The following MAPDA variants were observed in gnomAD, a reference collection of about 807,000 sequenced individuals.
MAPDA encodes N6,N6-dimethyl-AMP deaminase.
the MAPDA span, among the ~76,000 whole-genome samples, chr15:43,346,386 A>C: frequency 2.6e-5 from 4 of 152,168 alleles, no homozygotes; most frequent in Non-Finnish European, 5.9e-5. Flanking sequence ...TTCAAGCAGA[A>C]ATCTTGATAT....
the MAPDA span, chr15:43,347,082 T>C: frequency 6.2e-7 from 1 of 1,613,388 alleles, no homozygotes; most frequent in South Asian, 1.1e-5. Flanking sequence ...GAAGTTAGCA[T>C]TGCATCTTTC....
the MAPDA span, among the ~76,000 whole-genome samples, chr15:43,345,354 C>CAAA: frequency 5.6e-5 from 2 of 35,696 alleles, no homozygotes; most frequent in African/African-American, 2.0e-4. Context: ...GATTCCATCT[C>CAAA]AAAAAAAAAA....
chr15:43,351,117 C>A, the MAPDA span: 1 of 1,375,524 alleles, frequency 7.3e-7, no homozygotes, highest in East Asian at 2.5e-5. Context: ...CACTATCTAG[C>A]TGACTGCCTT....
At chr15:43,337,293 AAAAG>A in the MAPDA span, among the ~76,000 whole-genome samples, 4 of 151,800 alleles carry the variant, frequency 2.6e-5, no homozygotes, top group East Asian at 7.7e-4. Context: ...AAAAAAAAAA[AAAAG>A]AGAAGTATTA....
At chr15:43,343,008 A>C in the MAPDA span, 1 of 1,582,992 alleles carries the variant, frequency 6.3e-7, no homozygotes, top group Non-Finnish European at 8.6e-7. Context: ...GACTAAAAAG[A>C]CTTATGTGGA....
chr15:43,349,268 G>GT, the MAPDA span: 2 of 1,257,908 alleles, frequency 1.6e-6, no homozygotes, highest in Non-Finnish European at 2.0e-6. Flanking sequence ...CTTATTCGTT[G>GT]TTACATTCTC....
chr15:43,335,161 G>T, the MAPDA span: 2 of 1,613,734 alleles, frequency 1.2e-6, no homozygotes, highest in African/African-American at 1.3e-5. Flanking sequence ...ATTCTGAATT[G>T]CCAAAAGTGG....
chr15:43,343,602 T>C, the MAPDA span, among the ~76,000 whole-genome samples: 42,288 of 152,030 alleles, frequency 0.28, 9,715 homozygotes, highest in African/African-American at 0.63. Context: ...TAAAGTGCCC[T>C]ACTAATCCTC....
the MAPDA span, chr15:43,352,590 C>T: frequency 0.27 from 40,812 of 152,118 alleles, 8,839 homozygotes; most frequent in African/African-American, 0.59. Flanking sequence ...ACCTGTAGTC[C>T]CAGCCACCAG....
At chr15:43,350,653 T>C in the MAPDA span, among the ~76,000 whole-genome samples, 2 of 152,154 alleles carry the variant, frequency 1.3e-5, no homozygotes, top group East Asian at 3.9e-4. Context: ...ATCATGACAT[T>C]CCTCTTTCCT....
the MAPDA span, chr15:43,345,917 CGAG>C: frequency 6.2e-7 from 1 of 1,614,124 alleles, no homozygotes; most frequent in Non-Finnish European, 8.5e-7. Context: ...TAAAACTTGC[CGAG>C]GAGTTCTTCC....
At chr15:43,346,531 A>G in the MAPDA span, among the ~76,000 whole-genome samples, 1 of 152,248 alleles carries the variant, frequency 6.6e-6, no homozygotes, top group Non-Finnish European at 1.5e-5. Flanking sequence ...GACATTGCCA[A>G]GTGTCCCCTG....
At chr15:43,349,423 A>G in the MAPDA span, 1 of 813,228 alleles carries the variant, frequency 1.2e-6, no homozygotes, top group Non-Finnish European at 1.5e-6. Flanking sequence ...GTATATTTTC[A>G]CATGTCTGTT....
chr15:43,349,258 C>T, the MAPDA span: 1 of 1,272,764 alleles, frequency 7.9e-7, no homozygotes, highest in Non-Finnish European at 9.9e-7. Flanking sequence ...CCCTGCTTGT[C>T]TTATTCGTTG....
At chr15:43,330,970 C>T in the MAPDA span, 3 of 153,174 alleles carry the variant, frequency 2.0e-5, no homozygotes, top group Non-Finnish European at 4.4e-5. Flanking sequence ...GATTAGTTAG[C>T]TTCCTTGGGT....
chr15:43,351,270 G>C, the MAPDA span: 1 of 464,570 alleles, frequency 2.2e-6, no homozygotes, highest in Non-Finnish European at 3.9e-6. Context: ...AGGTTGCAGT[G>C]AGCAGAGATC....
the MAPDA span, chr15:43,330,581 AACC>A: frequency 1.4e-6 from 2 of 1,403,538 alleles, no homozygotes; most frequent in African/African-American, 3.0e-5. Flanking sequence ...GGGGGAAAAA[AACC>A]ACCCATGCTC....
At chr15:43,346,496 G>C in the MAPDA span, among the ~76,000 whole-genome samples, 1 of 152,216 alleles carries the variant, frequency 6.6e-6, no homozygotes, top group Admixed American at 6.5e-5. Context: ...CACTCTCCCA[G>C]ATATGACAAC....
the MAPDA span, chr15:43,345,962 C>T: frequency 1.9e-6 from 3 of 1,614,092 alleles, no homozygotes; most frequent in Admixed American, 3.3e-5. Flanking sequence ...TTGGCCTTGA[C>T]CTCAGTGGAG....
Sources: gnomAD v4.1 joint callset for allele counts (sites outside exome capture counted in the v4.1 genomes callset) on GRCh38, gnomAD v4.1.1 for gene constraint, MANE v1.5 for transcripts, NCBI Gene and HGNC (gene_info 2026-07-23, HGNC 2026-07-21) for gene names.